The following EIF3H variants were observed in gnomAD, a reference collection of about 807,000 sequenced individuals.
EIF3H encodes eIF-3-gamma.
A neutral mutation model predicts 44.2 loss-of-function variants in EIF3H; 26 were observed. That is an observed-to-expected ratio of 0.59 (90% CI 0.43 to 0.82). EIF3H has a LOEUF of 0.82. Among genes scored for constraint, EIF3H ranks in the 40% least tolerant of loss-of-function variants. The pLI, the probability that EIF3H is intolerant of heterozygous loss-of-function variation, is 0.00. For synonymous variants in EIF3H, 166 were observed against 151.9 expected, an observed-to-expected ratio of 1.09 and a Z score of -0.68; for missense variants, 359 against 432.8, an observed-to-expected ratio of 0.83 and a Z score of 1.51.
chr8:116,679,535 T>TG (rs1813928313), intron 2 of EIF3H, among the ~76,000 whole-genome samples: 1 of 8,832 alleles, frequency 1.1e-4, no homozygotes, highest in East Asian at 1.9e-3. Flanking sequence ...GGGAGGGAGG[T>TG]GGGGGGGTCA....
intron 2 of EIF3H, among the ~76,000 whole-genome samples, chr8:116,678,863 G>C (rs1333538102): frequency 7.7e-6 from 1 of 130,596 alleles, no homozygotes; most frequent in Non-Finnish European, 1.7e-5. Flanking sequence ...GAGGGAGGTG[G>C]GGGGGGGTCA....
At chr8:116,679,343 T>TG (rs1400541634) in intron 2 of EIF3H, among the ~76,000 whole-genome samples, 4 of 62,814 alleles carry the variant, frequency 6.4e-5, no homozygotes, top group African/African-American at 1.1e-4. Context: ...GGGAGGAAGG[T>TG]GGGGGGGTCA....
At chr8:116,699,266 T>C (rs1393873890) in intron 2 of EIF3H, among the ~76,000 whole-genome samples, 3 of 152,174 alleles carry the variant, frequency 2.0e-5, no homozygotes, top group Non-Finnish European at 2.9e-5. Context: ...TACAAAAAAA[T>C]ACTGATATCA....
intron 1 of EIF3H, among the ~76,000 whole-genome samples, chr8:116,730,962 A>T (rs952798631): frequency 6.6e-6 from 1 of 152,358 alleles, no homozygotes; most frequent in African/African-American, 2.4e-5. Flanking sequence ...TAGCCAGGGA[A>T]GTGAGATCTG....
intron 2 of EIF3H, among the ~76,000 whole-genome samples, chr8:116,660,819 C>T (rs1245728125): frequency 6.6e-6 from 1 of 152,106 alleles, no homozygotes; most frequent in South Asian, 2.1e-4. Context: ...CTTTGTATAC[C>T]AAACCAGTGT....
At chr8:116,752,720 GAAAGAAAGAAAGAAGA>G (rs1563662985) in intron 1 of EIF3H, among the ~76,000 whole-genome samples, 2 of 122,888 alleles carry the variant, frequency 1.6e-5, no homozygotes. Flanking sequence ...AAGAAAGAAA[GAAAGAAAGAAAGAAGA>G]GAAAGAAAGA....
intron 2 of EIF3H, among the ~76,000 whole-genome samples, chr8:116,723,419 A>G (rs1000424295): frequency 2.8e-5 from 4 of 142,566 alleles, no homozygotes; most frequent in Middle Eastern, 3.3e-3. Flanking sequence ...TAGGGAGAGC[A>G]TAGCCAGGTT....
At chr8:116,690,710 A>C (rs940227896) in intron 2 of EIF3H, among the ~76,000 whole-genome samples, 1 of 152,208 alleles carries the variant, frequency 6.6e-6, no homozygotes, top group East Asian at 1.9e-4. Context: ...TGACATTAGG[A>C]TCTAATTATA....
chr8:116,668,071 G>C (rs1393973797), intron 2 of EIF3H, among the ~76,000 whole-genome samples: 1 of 152,148 alleles, frequency 6.6e-6, no homozygotes, highest in East Asian at 1.9e-4. Context: ...CCTCAGTTAA[G>C]AGGATTTGAG....
chr8:116,752,259 G>A (rs1168465958), intron 1 of EIF3H, among the ~76,000 whole-genome samples: 3 of 152,138 alleles, frequency 2.0e-5, no homozygotes, highest in African/African-American at 7.2e-5. Flanking sequence ...AGTTACTGGT[G>A]GATGCAGACT....
At chr8:116,745,522 A>C (rs1815217313) in intron 1 of EIF3H, among the ~76,000 whole-genome samples, 1 of 152,258 alleles carries the variant, frequency 6.6e-6, no homozygotes, top group Non-Finnish European at 1.5e-5. Flanking sequence ...GAACACAGTA[A>C]GCACTGTCAA....
intron 2 of EIF3H, chr8:116,697,069 T>C (rs56998977): frequency 0.015 from 7,064 of 456,110 alleles, 70 homozygotes; most frequent in Non-Finnish European, 0.02. Context: ...AGCTGGGATC[T>C]CTCTCCTGAG....
At chr8:116,694,750 G>C (rs1007339618) in intron 2 of EIF3H, among the ~76,000 whole-genome samples, 4 of 152,076 alleles carry the variant, frequency 2.6e-5, no homozygotes, top group Admixed American at 1.3e-4. Context: ...TTTTTGAAAA[G>C]ATCTATAACT....
chr8:116,688,478 G>A lies in EIF3H; in HGVS notation c.290-29498C>T, dbSNP rs114730382. On this transcript the variant is annotated intron_variant, in intron 2 of 7. Coordinates refer to ENST00000521861, the MANE Select transcript of EIF3H (RefSeq NM_003756.3). ...TACAGAAAATGAACCCACAAACAAT[G>A]CTGAGTAAAAGAAGCAAGACATAAA... 1.7e-3 allele frequency among the ~76,000 whole-genome samples: 252 copies of A among 152,186 alleles called. 1 individual carries two copies. The highest frequency in any genetic ancestry group is 5.8e-3 in the African/African-American group (240 of 41,546).
chr8:116,746,605 C>T (rs10095889), intron 1 of EIF3H, among the ~76,000 whole-genome samples: 114,211 of 152,102 alleles, frequency 0.75, 43,640 homozygotes, highest in African/African-American at 0.8. Flanking sequence ...GAAAAGCCAC[C>T]CAGCTTCTTG....
intron 2 of EIF3H, among the ~76,000 whole-genome samples, chr8:116,671,002 A>G (rs1326914970): frequency 2.0e-5 from 3 of 152,232 alleles, no homozygotes; most frequent in Non-Finnish European, 4.4e-5. Flanking sequence ...ATTACTACAG[A>G]AAGATGTCCG....
intron 1 of EIF3H, among the ~76,000 whole-genome samples, chr8:116,763,033 T>A (rs1296415851): frequency 1.3e-5 from 2 of 152,244 alleles, no homozygotes; most frequent in Non-Finnish European, 2.9e-5. Context: ...AGTCTATTCC[T>A]ACAAAGAAGA....
chr8:116,656,029 TTAGTC>T (rs750514295), intron 4 of EIF3H, 24 bp from the exon 5 acceptor site: 1 of 1,609,960 alleles, frequency 6.2e-7, no homozygotes, highest in South Asian at 1.1e-5. Flanking sequence ...TAAAAATACT[TTAGTC>T]TGATGGTCAA....
At chr8:116,709,679 A>G (rs1814539863) in intron 2 of EIF3H, among the ~76,000 whole-genome samples, 1 of 152,210 alleles carries the variant, frequency 6.6e-6, no homozygotes, top group South Asian at 2.1e-4. Flanking sequence ...GTCTTTAAGT[A>G]GTTAAATGTT....
Sources: allele counts gnomAD v4.1 joint callset (sites outside exome capture counted in the v4.1 genomes callset), GRCh38; gene constraint gnomAD v4.1.1; transcripts MANE v1.5; gene names NCBI Gene and HGNC (gene_info 2026-07-23, HGNC 2026-07-21).